The following GAS7 variants were observed in gnomAD, a reference collection of about 807,000 sequenced individuals.
GAS7 encodes growth arrest-specific protein 7.
In GAS7, 28 loss-of-function variants were observed where a neutral mutation model predicts 71.1. The observed-to-expected ratio is 0.39, with a 90% CI of 0.29 to 0.54. The LOEUF is 0.54. Ranked by LOEUF, GAS7 falls within the 20% of genes least tolerant of loss-of-function variation. The pLI, the probability that GAS7 is intolerant of heterozygous loss-of-function variation, is 0.62. For missense variants in GAS7, 436 were observed against 627.8 expected (o/e 0.69, Z 3.27); for synonymous variants, 258 against 245.8 (o/e 1.05, Z -0.46).
intron 1 of GAS7, among the ~76,000 whole-genome samples, chr17:10,190,404 G>A (rs2074489216): frequency 6.6e-6 from 1 of 151,968 alleles, no homozygotes; most frequent in African/African-American, 2.4e-5. Flanking sequence ...CCAGCGTGGT[G>A]AAACCCCATC....
chr17:10,149,409 T>C (rs1161035620), intron 1 of GAS7, among the ~76,000 whole-genome samples: 1 of 152,218 alleles, frequency 6.6e-6, no homozygotes, highest in Non-Finnish European at 1.5e-5. Context: ...GGCCCCATTT[T>C]GAAATAACAT....
At chr17:10,125,477 A>AT (rs1226981996) in intron 1 of GAS7, among the ~76,000 whole-genome samples, 1 of 146,744 alleles carries the variant, frequency 6.8e-6, no homozygotes, top group Non-Finnish European at 1.5e-5. Context: ...AGATGGTGCC[A>AT]TTGCACTCTT....
At chr17:9,997,650 T>G (rs995369232) in intron 2 of GAS7, among the ~76,000 whole-genome samples, 13 of 152,102 alleles carry the variant, frequency 8.5e-5, no homozygotes, top group African/African-American at 2.9e-4. Context: ...GGCTGAAGGC[T>G]CATTCCCACA....
At chr17:9,972,493 G>C (rs2070010318) in intron 3 of GAS7, among the ~76,000 whole-genome samples, 1 of 152,170 alleles carries the variant, frequency 6.6e-6, no homozygotes, top group African/African-American at 2.4e-5. Context: ...TTCAGTTTAG[G>C]ACTGATTAAC....
chr17:9,975,535 C>G (rs568532361), intron 3 of GAS7, among the ~76,000 whole-genome samples: 2 of 151,264 alleles, frequency 1.3e-5, no homozygotes, highest in South Asian at 2.1e-4. Context: ...TTTCTCACCC[C>G]CCCCTTTTTC....
intron 1 of GAS7, among the ~76,000 whole-genome samples, chr17:10,128,311 G>A (rs972465576): frequency 1.2e-4 from 18 of 152,306 alleles, no homozygotes; most frequent in East Asian, 5.8e-4. Context: ...GTCCACAGAC[G>A]ACTGTTCCCT....
At chr17:9,992,725 G>C (rs1214551912) in intron 2 of GAS7, among the ~76,000 whole-genome samples, 1 of 151,382 alleles carries the variant, frequency 6.6e-6, no homozygotes, top group Non-Finnish European at 1.5e-5. Flanking sequence ...TCTAGCATTA[G>C]GTATATCTCC....
chr17:10,033,606 C>A (rs1266180936), intron 1 of GAS7, among the ~76,000 whole-genome samples: 1 of 152,224 alleles, frequency 6.6e-6, no homozygotes, highest in African/African-American at 2.4e-5. Flanking sequence ...ACAAGCGACA[C>A]AGCTGCTGCC....
At chr17:9,942,990 T>C in intron 7 of GAS7, 131 bp downstream of exon 7, 1 of 592,714 alleles carries the variant, frequency 1.7e-6, no homozygotes. Context: ...GCCATGAGTT[T>C]GCCGCCTGGC....
rs201054976 is a variant in GAS7, at chr17:9,981,890, G to A, written c.305-6C>T. 5.6e-5 allele frequency: 86 copies of A among 1,526,934 alleles called. 3 individuals are homozygous for A. The Middle Eastern group carries it at 5.6e-3, about 99-fold the overall frequency. 94.6% of individuals were successfully genotyped at this position (1,526,934 alleles called of 1,614,324 possible). On this transcript the variant is annotated splice_region_variant and splice_polypyrimidine_tract_variant and intron_variant, in intron 2 of 13. Transcript: ENST00000432992. The surrounding 1 kb of genome is among the most constrained non-coding windows in gnomAD (Gnocchi z 4.4). ...GGGACGTTCCCAGGTGGTCTCTGGT[G>A]AAAGAAGAGCAAAGAAAATCACTTT... is the stretch of plus-strand genomic sequence containing the variant.
chr17:10,147,755 G>C (rs1337599604), intron 1 of GAS7, among the ~76,000 whole-genome samples: 1 of 152,156 alleles, frequency 6.6e-6, no homozygotes, highest in Non-Finnish European at 1.5e-5. Flanking sequence ...GTTTATCGAA[G>C]CTTCCCAAAG....
At chr17:10,193,500 A>G (rs2074517668) in intron 1 of GAS7, among the ~76,000 whole-genome samples, 1 of 152,030 alleles carries the variant, frequency 6.6e-6, no homozygotes, top group African/African-American at 2.4e-5. Flanking sequence ...CTCCCTTCCA[A>G]ATTGACTCTG....
rs766803401 is a variant in GAS7 at position 10,103,592 on chromosome 17, G to A, written c.184-83695C>T. 2.4e-4 allele frequency among the ~76,000 whole-genome samples: 37 copies of A among 152,170 alleles called. No homozygotes were observed. Among genetic ancestry groups the A allele is most frequent in the East Asian group, 7.8e-4 (4 of 5,160 alleles). ...TGTAATCCCAGCACTTTGGGAGGCC[G>A]AGGTGGGCGGATCACCTGAGGTCAG... On this transcript the variant is annotated intron_variant, in intron 1 of 13. Transcript: ENST00000432992. The surrounding 1 kb of genome is among the most constrained non-coding windows in gnomAD (Gnocchi z 5.5).
At chr17:10,134,809 G>A (rs1258336098) in intron 1 of GAS7, among the ~76,000 whole-genome samples, 1 of 151,790 alleles carries the variant, frequency 6.6e-6, no homozygotes, top group Non-Finnish European at 1.5e-5. Flanking sequence ...GAAGCTCGGG[G>A]CAGTTCTGCA....
intron 1 of GAS7, among the ~76,000 whole-genome samples, chr17:10,106,263 C>G (rs1027579173): frequency 6.6e-6 from 1 of 152,238 alleles, no homozygotes; most frequent in Admixed American, 6.5e-5. Context: ...CACACCTTCT[C>G]TTACCTTCCA....
intron 9 of GAS7, among the ~76,000 whole-genome samples, chr17:9,927,165 T>C (rs971604371): frequency 1.4e-5 from 2 of 138,004 alleles, no homozygotes; most frequent in African/African-American, 5.2e-5. Flanking sequence ...TAATAATCAA[T>C]GGGCTGGGCA....
At chr17:10,024,301 T>C (rs955192853) in intron 1 of GAS7, among the ~76,000 whole-genome samples, 2 of 152,134 alleles carry the variant, frequency 1.3e-5, no homozygotes, top group African/African-American at 2.4e-5. Context: ...GAGGACACAG[T>C]GTGCATAACC....
At chr17:10,163,734 C>T (rs2074272972) in intron 1 of GAS7, among the ~76,000 whole-genome samples, 1 of 152,106 alleles carries the variant, frequency 6.6e-6, no homozygotes, top group Admixed American at 6.6e-5. Flanking sequence ...GCCCCCAAGA[C>T]TTTCCCCATG....
intron 1 of GAS7, among the ~76,000 whole-genome samples, chr17:10,177,963 C>A (rs902635272): frequency 6.6e-6 from 1 of 152,036 alleles, no homozygotes; most frequent in Non-Finnish European, 1.5e-5. Context: ...TCAGCACTGG[C>A]GCCATTAGGC....
Sources: allele counts gnomAD v4.1 joint callset (sites outside exome capture counted in the v4.1 genomes callset), GRCh38; gene constraint gnomAD v4.1.1; non-coding constraint Gnocchi (gnomAD v3.1); transcripts MANE v1.5; gene names NCBI Gene and HGNC (gene_info 2026-07-23, HGNC 2026-07-21).